SCLT1: variants seen among roughly 807,000 people sequenced by gnomAD.
The protein encoded by SCLT1 is sodium channel-associated protein 1.
Under a neutral mutation model 112.8 loss-of-function variants are expected in SCLT1, and 78 were observed. The observed-to-expected ratio is 0.69, with a 90% CI of 0.58 to 0.83. SCLT1 has a LOEUF of 0.83. SCLT1 is among the 40% of genes least tolerant of loss of function. The pLI is 0.00. For synonymous variants in SCLT1, 257 were observed against 254.7 expected, an observed-to-expected ratio of 1.01 and a Z score of -0.09; for missense variants, 747 against 770.4, an observed-to-expected ratio of 0.97 and a Z score of 0.36.
At chr4:128,874,430 A>G (rs532761196) in exon 5 of SCLT1, 1 of 152,602 alleles carries the variant, frequency 6.6e-6, no homozygotes, top group South Asian at 2.1e-4. Context: ...TTTTCCCCAC[A>G]TTTAGGTTGA....
intron 18 of SCLT1, among the ~76,000 whole-genome samples, chr4:128,893,842 C>T (rs894196441): frequency 2.6e-5 from 4 of 151,970 alleles, no homozygotes; most frequent in East Asian, 1.9e-4. Context: ...TGCCCAGCCC[C>T]GAAATCCCAA....
In SCLT1 at chr4:128,943,100, T is replaced by C. The variant is rs1249333494; in HGVS notation, c.1528A>G (p.Ser510Gly). Residue 510 changes from serine to glycine, a missense_variant, in exon 17 of 21, where the codon AGT (serine) becomes GGT (glycine). Physicochemically the swap from Ser to Gly is moderately conservative, Grantham distance 56. Around this residue, in one of 2 missense-constraint regions of SCLT1, gnomAD observed 723 missense variants for 721.3 expected, o/e 1.00. Transcript: ENST00000281142. ...ESERENCGLV[S>G]EQRLKLQQEN... The stretch of plus-strand genomic sequence containing the variant: ...TGCTGAAGTTTTAGCCTTTGTTCAC[T>C]GACAAGCCCACAGTTCTCTCTCTCA... The C allele has an allele frequency of 6.2e-7, 1 of 1,612,948 alleles. No individual in the cohort carries two copies. Among genetic ancestry groups the C allele is most frequent in the South Asian group, 1.1e-5 (1 of 91,042 alleles).
intron 15 of SCLT1, among the ~76,000 whole-genome samples, chr4:128,947,140 T>C (rs1405579709): frequency 1.3e-5 from 2 of 152,232 alleles, no homozygotes; most frequent in African/African-American, 4.8e-5. Flanking sequence ...CAGCAGTACT[T>C]TGACCTTAGA....
intron 18 of SCLT1, among the ~76,000 whole-genome samples, chr4:128,901,637 G>A (rs1175905748): frequency 2.0e-5 from 3 of 150,620 alleles, no homozygotes; most frequent in Non-Finnish European, 2.9e-5. Context: ...TAACCTGCAC[G>A]TTGTACACAT....
chr4:128,879,125 T>TA (rs537003032), downstream of SCLT1, among the ~76,000 whole-genome samples: 1,565 of 143,088 alleles, frequency 0.011, 23 homozygotes, highest in African/African-American at 0.037. Flanking sequence ...CTTAAAGTAT[T>TA]AAAAAAAAAA....
chr4:129,061,982 C>T (rs1191494508), intron 2 of SCLT1, among the ~76,000 whole-genome samples: 1 of 152,056 alleles, frequency 6.6e-6, no homozygotes, highest in East Asian at 1.9e-4. Context: ...TTGCAGGGGA[C>T]CCCAGTGGCG....
chr4:129,012,915 G>A (rs916632613), intron 5 of SCLT1, among the ~76,000 whole-genome samples: 2 of 151,936 alleles, frequency 1.3e-5, no homozygotes, highest in African/African-American at 4.8e-5. Context: ...CTGCATGTGA[G>A]ATAGGACTCT....
At chr4:128,909,044 T>C (rs906725067) in intron 18 of SCLT1, among the ~76,000 whole-genome samples, 4 of 152,242 alleles carry the variant, frequency 2.6e-5, no homozygotes, top group African/African-American at 9.6e-5. Context: ...TTTTGCATAC[T>C]ATTTCTTTTA....
chr4:129,025,013 GAAAC>G (rs1333893847), intron 5 of SCLT1, among the ~76,000 whole-genome samples: 3 of 152,166 alleles, frequency 2.0e-5, no homozygotes, highest in East Asian at 1.9e-4. Context: ...AGAATAAAAA[GAAAC>G]AAACAAAGCC....
At chr4:128,934,779 C>T (rs376163074) in intron 18 of SCLT1, among the ~76,000 whole-genome samples, 9 of 151,646 alleles carry the variant, frequency 5.9e-5, no homozygotes, top group Non-Finnish European at 1.0e-4. Context: ...TTCTTTCTTT[C>T]GGTTTTGTCA....
At chr4:128,883,982 T>C (rs1354233466), downstream of SCLT1, 2 of 152,272 alleles carry the variant, frequency 1.3e-5, no homozygotes, top group Admixed American at 6.5e-5. Flanking sequence ...TTAAAATACA[T>C]GACAGCATCA....
At chr4:128,946,187 A>C in intron 15 of SCLT1, 35 bp from the exon 16 acceptor site, 3 of 1,438,354 alleles carry the variant, frequency 2.1e-6, no homozygotes, top group East Asian at 4.6e-5. Flanking sequence ...ATAATATTAC[A>C]GAAGAAACTG....
At chr4:129,042,549 C>T (rs1215634913) in intron 4 of SCLT1, among the ~76,000 whole-genome samples, 1 of 152,064 alleles carries the variant, frequency 6.6e-6, no homozygotes, top group Non-Finnish European at 1.5e-5. Flanking sequence ...TGTAAGCAAA[C>T]AATAATGAGA....
At chr4:129,042,207 T>C (rs1747760222) in intron 4 of SCLT1, among the ~76,000 whole-genome samples, 1 of 152,208 alleles carries the variant, frequency 6.6e-6, no homozygotes, top group South Asian at 2.1e-4. Context: ...CATTGCCTCC[T>C]GATAGGTTTA....
intron 16 of SCLT1, among the ~76,000 whole-genome samples, 172 bp downstream of exon 16, chr4:128,945,835 A>C (rs1738105238): frequency 1.3e-5 from 2 of 152,196 alleles, no homozygotes; most frequent in Admixed American, 6.5e-5. Flanking sequence ...TTCTTCCTGC[A>C]GAAATTCGCT....
Position 128,946,130 on chromosome 4 carries a change from T to C in SCLT1, c.1316A>G (p.Asn439Ser), listed in dbSNP as rs1326499482. The C allele has an allele frequency of 1.9e-6, 3 of 1,606,068 alleles. No individual in the cohort carries two copies. Among genetic ancestry groups the C allele is most frequent in the South Asian group, 2.2e-5 (2 of 90,826 alleles). Reference protein sequence around the residue: ...LEKIYREGRGNESDYRKLEEM... With the variant: ...LEKIYREGRGSESDYRKLEEM... Reference sequence around the variant, plus strand: ...TTCCAGTTTTCTGTAATCACTCTCATTTCCTCTGCCTTCACGGTAAATCTG... The same window carrying C: ...TTCCAGTTTTCTGTAATCACTCTCACTTCCTCTGCCTTCACGGTAAATCTG... Residue 439 changes from asparagine to serine, a missense_variant, in exon 16 of 21, where the codon AAT becomes AGT. By Grantham distance (46) the Asn-to-Ser change is conservative. Around this residue, in one of 2 missense-constraint regions of SCLT1, gnomAD observed 723 missense variants for 721.3 expected, o/e 1.00. Transcript: ENST00000281142.
intron 2 of SCLT1, among the ~76,000 whole-genome samples, chr4:129,078,704 C>T (rs1751674473): frequency 6.6e-6 from 1 of 152,088 alleles, no homozygotes; most frequent in African/African-American, 2.4e-5. Flanking sequence ...AGTACTCAAG[C>T]CAACCAAATA....
intron 18 of SCLT1, among the ~76,000 whole-genome samples, chr4:128,909,416 CTT>C (rs1046513803): frequency 1.3e-5 from 2 of 151,958 alleles, no homozygotes; most frequent in African/African-American, 4.8e-5. Flanking sequence ...GCCCAGAAAA[CTT>C]TCATAATTTC....
At chr4:128,874,284 G>A (rs1220786495) in intron 5 of SCLT1, 1 of 152,432 alleles carries the variant, frequency 6.6e-6, no homozygotes, top group African/African-American at 2.4e-5. Context: ...TTTATAGAGG[G>A]ATAATTTGTC....
Sources: allele counts gnomAD v4.1 joint callset (sites outside exome capture counted in the v4.1 genomes callset), GRCh38; gene constraint gnomAD v4.1.1; regional missense constraint gnomAD v4.1.1; transcripts MANE v1.5; gene names NCBI Gene and HGNC (gene_info 2026-07-23, HGNC 2026-07-21).